STON1: variants seen among roughly 807,000 people sequenced by gnomAD.
The protein encoded by STON1 is stonin-1.
STON1 carries 79 observed loss-of-function variants against 60.9 expected under a neutral mutation model. The ratio of observed to expected loss-of-function variants is 1.30; its 90% CI spans 1.08 to 1.56. The LOEUF is 1.56. STON1 is among the 40% of genes most tolerant of loss of function. The pLI is 0.00. For missense variants in STON1, 1,166 were observed against 858.9 expected, an observed-to-expected ratio of 1.36 and a Z score of -4.47; for synonymous variants, 363 against 306.9, an observed-to-expected ratio of 1.18 and a Z score of -1.91.
At chr2:48,564,661 C>T (rs1672850276) in intron 1 of STON1, among the ~76,000 whole-genome samples, 1 of 103,806 alleles carries the variant, frequency 9.6e-6, no homozygotes, top group African/African-American at 3.6e-5. Flanking sequence ...CTTCTTCTTT[C>T]TTATTTCTTC....
rs796489564 is a variant in STON1 at position 48,544,430 on chromosome 2, A to G, written c.-48+14214A>G. Among the ~76,000 whole-genome samples, 6 of 152,324 alleles carry G rather than the reference A, an allele frequency of 3.9e-5. 1 individual carries two copies. The highest frequency in any genetic ancestry group is 1.4e-4 in the African/African-American group (6 of 41,580). On this transcript the variant is annotated intron_variant, in intron 1 of 3. Coordinates refer to ENST00000404752, the MANE Select transcript of STON1 (RefSeq NM_006873.4). ...AGAAATTCAGAGAAAGGGCTGACACATTGGCCTCTGTTTATACCTTTGAAT... is the reference window on the plus strand; with the variant it reads ...AGAAATTCAGAGAAAGGGCTGACACGTTGGCCTCTGTTTATACCTTTGAAT...
At chr2:48,573,233 C>T (rs991702009) in intron 1 of STON1, among the ~76,000 whole-genome samples, 1 of 152,078 alleles carries the variant, frequency 6.6e-6, no homozygotes, top group Non-Finnish European at 1.5e-5. Flanking sequence ...CAGTTTGGGC[C>T]GTTTGCCCTA....
intron 1 of STON1, among the ~76,000 whole-genome samples, chr2:48,533,718 CTG>C (rs1671311174): frequency 6.8e-6 from 1 of 145,986 alleles, no homozygotes; most frequent in Non-Finnish European, 1.5e-5. Context: ...AAGGAATACT[CTG>C]TGACCTTTTA....
chr2:48,565,052 T>A (rs1672880687), intron 1 of STON1, among the ~76,000 whole-genome samples: 1 of 141,460 alleles, frequency 7.1e-6, no homozygotes, highest in African/African-American at 2.6e-5. Context: ...CTTCTTTTTT[T>A]TTTTTTTTTT....
At chr2:48,545,112 AG>A (rs1488780203) in intron 1 of STON1, among the ~76,000 whole-genome samples, 1 of 152,102 alleles carries the variant, frequency 6.6e-6, no homozygotes, top group East Asian at 1.9e-4. Flanking sequence ...CCTGATTTTC[AG>A]AAAAAATTAC....
intron 2 of STON1, among the ~76,000 whole-genome samples, chr2:48,590,065 A>C (rs1172986951): frequency 1.3e-5 from 2 of 152,230 alleles, no homozygotes; most frequent in Non-Finnish European, 1.5e-5. Flanking sequence ...AACAAGACAG[A>C]AGAATGCCTG....
chr2:48,580,543 T>G, intron 1 of STON1, 44 bp from the exon 2 acceptor site: 2 of 1,308,468 alleles, frequency 1.5e-6, no homozygotes, highest in South Asian at 6.4e-5. Flanking sequence ...ATTCCCCCCT[T>G]CATTTTATAT....
intron 1 of STON1, among the ~76,000 whole-genome samples, chr2:48,532,629 T>G (rs1671259143): frequency 6.6e-6 from 1 of 152,146 alleles, no homozygotes; most frequent in South Asian, 2.1e-4. Flanking sequence ...CTTTCTGCCT[T>G]GTCCAGCTTT....
In STON1 at chr2:48,591,852, C is replaced by G; in HGVS notation, c.2130C>G (p.Ile710Met). 1 of 1,613,756 alleles carries G rather than the reference C, an allele frequency of 6.2e-7. No individual in the cohort carries two copies. ...TTCAGCAGCGAGCTTGCTACAACATCCAGGTACATCCCAAAACTTCTAGAA... is the reference window on the plus strand; with the variant it reads ...TTCAGCAGCGAGCTTGCTACAACATGCAGGTACATCCCAAAACTTCTAGAA... ...KHVQQRACYN[I>M]QVEIEKKWIK... The change falls in exon 3 of 4, where the codon ATC (isoleucine) becomes ATG (methionine). Residue 710 changes from isoleucine (I) to methionine (M), a missense_variant. Physicochemically the swap from Ile to Met is conservative, Grantham distance 10. Coordinates refer to ENST00000404752, the MANE Select transcript of STON1 (RefSeq NM_006873.4).
At chr2:48,540,540 G>A (rs1197738788) in intron 1 of STON1, among the ~76,000 whole-genome samples, 1 of 152,066 alleles carries the variant, frequency 6.6e-6, no homozygotes, top group Non-Finnish European at 1.5e-5. Flanking sequence ...CCCAGGCAGA[G>A]CATGGAAGGG....
At chr2:48,574,401 A>G (rs1673365929) in intron 1 of STON1, among the ~76,000 whole-genome samples, 1 of 152,084 alleles carries the variant, frequency 6.6e-6, no homozygotes, top group Non-Finnish European at 1.5e-5. Context: ...AAAAGAAAGA[A>G]TGTTGTGGAA....
chr2:48,575,809 A>G (rs1572967609), intron 1 of STON1, among the ~76,000 whole-genome samples: 1 of 127,744 alleles, frequency 7.8e-6, no homozygotes, highest in Admixed American at 9.3e-5. Context: ...CCCAGGCTGG[A>G]GTGCAATGGC....
rs1674749513 is a variant in STON1, at chr2:48,595,495, C to G, written c.*193C>G. On this transcript the variant is annotated 3_prime_UTR_variant, in exon 4 of 4. Coordinates refer to ENST00000404752, the MANE Select transcript of STON1 (RefSeq NM_006873.4). ...TTTTTGCTTTTCATGTGTTTTTGTC[C>G]TAGGGGTTCGATCTAAAATGTTTCT... is the stretch of plus-strand genomic sequence containing the variant. 1 of 546,488 alleles carries G rather than the reference C, an allele frequency of 1.8e-6. No homozygotes were observed. The highest frequency in any genetic ancestry group is 3.2e-6 in the Non-Finnish European group (1 of 310,536). 33.9% of individuals were successfully genotyped at this position (546,488 alleles called of 1,614,324 possible).
chr2:48,593,867 G>A (rs1273682460), intron 3 of STON1, among the ~76,000 whole-genome samples: 1 of 152,304 alleles, frequency 6.6e-6, no homozygotes, highest in Admixed American at 6.5e-5. Context: ...GATAGGTAGT[G>A]CTGTCCTGTG....
intron 1 of STON1, among the ~76,000 whole-genome samples, chr2:48,562,630 G>A (rs1476482647): frequency 6.6e-6 from 1 of 152,234 alleles, no homozygotes; most frequent in Non-Finnish European, 1.5e-5. Context: ...GAGGCCAGGT[G>A]ACTTTGGCAT....
intron 1 of STON1, among the ~76,000 whole-genome samples, chr2:48,563,180 CT>C (rs1187091516): frequency 3.3e-5 from 5 of 152,190 alleles, no homozygotes; most frequent in African/African-American, 1.2e-4. Context: ...GGGAAATCCC[CT>C]GATTTCTCCA....
intron 1 of STON1, among the ~76,000 whole-genome samples, chr2:48,576,784 G>T (rs1043446295): frequency 6.6e-5 from 10 of 151,990 alleles, no homozygotes; most frequent in Admixed American, 5.9e-4. Context: ...GGCCGGGCGC[G>T]GTGGCTCACG....
chr2:48,591,092 C>T (rs1674488217), intron 2 of STON1, among the ~76,000 whole-genome samples: 1 of 151,652 alleles, frequency 6.6e-6, no homozygotes, highest in African/African-American at 2.4e-5. Context: ...AGGTCTTGAG[C>T]ACATTGTAGC....
At chr2:48,546,053 T>A (rs1348076828) in intron 1 of STON1, among the ~76,000 whole-genome samples, 2 of 152,160 alleles carry the variant, frequency 1.3e-5, no homozygotes, top group Non-Finnish European at 2.9e-5. Flanking sequence ...AGGGGCAGAG[T>A]TGTCAGGTTT....
Sources: allele counts gnomAD v4.1 joint callset (sites outside exome capture counted in the v4.1 genomes callset), GRCh38; gene constraint gnomAD v4.1.1; transcripts MANE v1.5; gene names NCBI Gene and HGNC (gene_info 2026-07-23, HGNC 2026-07-21).